GRK1: variants seen among roughly 807,000 people sequenced by gnomAD.
The protein encoded by GRK1 is rhodopsin kinase GRK1.
A neutral mutation model predicts 41.7 loss-of-function variants in GRK1; 28 were observed. The ratio of observed to expected loss-of-function variants is 0.67; its 90% CI spans 0.50 to 0.92. GRK1 has a LOEUF of 0.92. Ranked by LOEUF, GRK1 falls within the 40% of genes least tolerant of loss-of-function variation. The probability of loss-of-function intolerance (pLI) is 0.00; values close to 1 mark genes in which losing one functional copy is unlikely to be tolerated. For synonymous variants in GRK1, 327 were observed against 286.7 expected (o/e 1.14, Z -1.42); for missense variants, 703 against 671.2 (o/e 1.05, Z -0.52).
chr13:113,668,032 T>C lies in GRK1; in HGVS notation c.646T>C (p.Tyr216His). 6.2e-7 allele frequency: 1 copy of C among 1,611,534 alleles called. No homozygotes were observed. Among genetic ancestry groups the C allele is most frequent in the Non-Finnish European group, 8.5e-7 (1 of 1,179,032 alleles). The change falls in exon 1 of 7, where the codon TAT becomes CAT. Residue 216 changes from tyrosine to histidine, a missense_variant. Transcript: ENST00000335678. Reference sequence around the variant, plus strand: ...CCAGATGAAGGCGACCGGCAAGCTGTATGCCTGCAAGAAGCTGAACAAGAA... The same window carrying C: ...CCAGATGAAGGCGACCGGCAAGCTGCATGCCTGCAAGAAGCTGAACAAGAA... The part of the protein sequence containing the change: ...ACQMKATGKL[Y>H]ACKKLNKKRL...
At chr13:113,649,778 G>A in the GRK1 span, among the ~76,000 whole-genome samples, 6 of 152,172 alleles carry the variant, frequency 3.9e-5, no homozygotes, top group African/African-American at 1.2e-4. This position sits in a 1 kb window ranked among gnomAD's most constrained non-coding sequence, Gnocchi z 4.7. Flanking sequence ...AAACTCTTAC[G>A]ATGATTAACG....
Position 113,668,094 on chromosome 13 carries a change from C to A in GRK1, c.699+9C>A. On this transcript the variant is annotated intron_variant, in intron 1 of 6. Transcript: ENST00000335678. Reference sequence around the variant, plus strand: ...AGAGGAAGGGCTACCAGGTGAGCAGCGCGACCCGGCCAGCAGGGATGGGGT... The same window carrying A: ...AGAGGAAGGGCTACCAGGTGAGCAGAGCGACCCGGCCAGCAGGGATGGGGT... 1 of 1,593,546 alleles carries A rather than the reference C, an allele frequency of 6.3e-7. No homozygotes were observed. The highest frequency in any genetic ancestry group is 8.5e-7 in the Non-Finnish European group (1 of 1,170,940).
intron 5 of GRK1, among the ~76,000 whole-genome samples, chr13:113,732,196 G>A (rs529330528): frequency 1.3e-5 from 2 of 152,318 alleles, no homozygotes; most frequent in African/African-American, 4.8e-5. Context: ...GCTGCCTTGA[G>A]GTGCGGCTCT....
At chr13:113,659,146 G>T in the GRK1 span, among the ~76,000 whole-genome samples, 1 of 152,230 alleles carries the variant, frequency 6.6e-6, no homozygotes, top group Non-Finnish European at 1.5e-5. Flanking sequence ...GCACCAGGAC[G>T]TGGAGGGCTC....
chr13:113,662,536 T>C (rs2049796291), upstream of GRK1, among the ~76,000 whole-genome samples: 1 of 152,232 alleles, frequency 6.6e-6, no homozygotes, highest in Admixed American at 6.5e-5. Flanking sequence ...ACATGAATGC[T>C]TATGTAGAAA....
chr13:113,733,583 A>G (rs1289560851), intron 6 of GRK1, among the ~76,000 whole-genome samples: 5 of 145,250 alleles, frequency 3.4e-5, no homozygotes, highest in Non-Finnish European at 7.5e-5. Flanking sequence ...ATGTGTGTGC[A>G]TACGTGTGTG....
intron 3 of GRK1, among the ~76,000 whole-genome samples, chr13:113,672,159 T>C (rs2049861599): frequency 6.6e-6 from 1 of 151,454 alleles, no homozygotes; most frequent in Non-Finnish European, 1.5e-5. Context: ...GTGTGCGTGG[T>C]GTGTGCTGTG....
At chr13:113,734,858 A>G in intron 6 of GRK1, 1 of 439,996 alleles carries the variant, frequency 2.3e-6, no homozygotes. Context: ...TTCCGGCCCC[A>G]CTCAAGCCCC....
the GRK1 span, chr13:113,655,081 A>C: frequency 8.5e-7 from 1 of 1,177,304 alleles, no homozygotes; most frequent in Non-Finnish European, 1.2e-6. Context: ...CCAAAACAGA[A>C]ACCCCGTCCC....
intron 4 of GRK1, among the ~76,000 whole-genome samples, chr13:113,729,846 C>T (rs138091188): frequency 0.011 from 1,714 of 150,492 alleles, 33 homozygotes; most frequent in South Asian, 0.085. Flanking sequence ...CCTTCCATCC[C>T]GAGACAGTCC....
intron 5 of GRK1, among the ~76,000 whole-genome samples, chr13:113,732,408 C>T (rs938939226): frequency 1.8e-4 from 28 of 152,332 alleles, no homozygotes; most frequent in East Asian, 1.4e-3. Flanking sequence ...GTGGGAGTAG[C>T]GTCAATGGCC....
In GRK1 at chr13:113,671,215, C is replaced by A. The variant is rs998346200; in HGVS notation, c.828-284C>A. On this transcript the variant is annotated intron_variant, in intron 2 of 6. Coordinates refer to ENST00000335678, the MANE Select transcript of GRK1 (RefSeq NM_002929.3). The surrounding 1 kb of genome is among the most constrained non-coding windows in gnomAD (Gnocchi z 4.1). The stretch of plus-strand genomic sequence containing the variant: ...TGGCCCCTTCCTGAGACGGTCTGGG[C>A]TGTTTCCTAGCACCTGCGGCCCGCG... Among the ~76,000 whole-genome samples, 2 of 152,190 alleles carry A rather than the reference C, an allele frequency of 1.3e-5. No individual in the cohort carries two copies. Among genetic ancestry groups the A allele is most frequent in the Non-Finnish European group, 2.9e-5 (2 of 68,038 alleles).
chr13:113,733,529 G>A (rs1215639565), intron 6 of GRK1, among the ~76,000 whole-genome samples: 92 of 110,188 alleles, frequency 8.3e-4, no homozygotes, highest in East Asian at 7.5e-3. Context: ...GCATGTGTGC[G>A]CGTGTGTGCA....
chr13:113,733,711 G>A (rs1247104730), intron 6 of GRK1, among the ~76,000 whole-genome samples: 2 of 140,922 alleles, frequency 1.4e-5, no homozygotes, highest in Non-Finnish European at 3.1e-5. Context: ...GTGCGTGTGT[G>A]CGCACGTGTG....
chr13:113,653,584 C>A, the GRK1 span: 1 of 643,326 alleles, frequency 1.6e-6, no homozygotes, highest in Non-Finnish European at 2.7e-6. Flanking sequence ...AAGGAAGGAC[C>A]CCCAGGACAG....
the GRK1 span, among the ~76,000 whole-genome samples, chr13:113,657,539 G>A: frequency 1.3e-5 from 2 of 152,224 alleles, no homozygotes; most frequent in South Asian, 2.1e-4. Flanking sequence ...CGCACAAGGC[G>A]CAGGTGCTGC....
At chr13:113,730,451 T>G (rs1408768834) in intron 4 of GRK1, among the ~76,000 whole-genome samples, 1 of 150,358 alleles carries the variant, frequency 6.7e-6, no homozygotes, top group East Asian at 2.0e-4. Flanking sequence ...CATCCCATCC[T>G]GAGGCAGTCT....
In GRK1 at chr13:113,735,622, G is replaced by A; in HGVS notation, c.*259G>A. 1 of 405,256 alleles carries A rather than the reference G, an allele frequency of 2.5e-6. No homozygotes were observed. Among genetic ancestry groups the A allele is most frequent in the South Asian group, 6.9e-5 (1 of 14,570 alleles). The allele number at this position is 405,256 out of a possible 1,614,324, so 25.1% of individuals were successfully genotyped here. A position where few individuals can be genotyped will look rare whatever the true frequency, so the allele number is the denominator to read the frequency against. On this transcript the variant is annotated 3_prime_UTR_variant, in exon 7 of 7. Transcript: ENST00000335678. Reference sequence around the variant, plus strand: ...GCTCCATCTCACTGAGAAGACATAAGATGCTCTCCAGAGGGAGTAAGCCAA... The same window carrying A: ...GCTCCATCTCACTGAGAAGACATAAAATGCTCTCCAGAGGGAGTAAGCCAA...
intron 4 of GRK1, among the ~76,000 whole-genome samples, chr13:113,730,336 C>CA (rs2049927636): frequency 1.4e-5 from 2 of 140,440 alleles, no homozygotes; most frequent in Admixed American, 7.0e-5. Flanking sequence ...CCAGTCCCCG[C>CA]AGCTGAGCCC....
Sources: allele counts gnomAD v4.1 joint callset (sites outside exome capture counted in the v4.1 genomes callset), GRCh38; gene constraint gnomAD v4.1.1; non-coding constraint Gnocchi (gnomAD v3.1); transcripts MANE v1.5; gene names NCBI Gene and HGNC (gene_info 2026-07-23, HGNC 2026-07-21).